The following SHANK2 variants were observed in gnomAD, a reference collection of about 807,000 sequenced individuals.
The protein encoded by SHANK2 is SH3 and multiple ankyrin repeat domains 2.
In SHANK2, 43 loss-of-function variants were observed where a neutral mutation model predicts 133.7. That is an observed-to-expected ratio of 0.32 (90% CI 0.25 to 0.41). SHANK2 has a LOEUF of 0.41. Ranked by LOEUF, SHANK2 falls within the 10% of genes least tolerant of loss-of-function variation. SHANK2 has a pLI of 1.00. For synonymous variants in SHANK2, 1,017 were observed against 952.8 expected (o/e 1.07, Z -1.24); for missense variants, 1,994 against 2,235.8 (o/e 0.89, Z 2.18).
chr11:71,218,768 A>T (rs1555120556), intron 2 of SHANK2, among the ~76,000 whole-genome samples: 2 of 152,198 alleles, frequency 1.3e-5, no homozygotes, highest in Non-Finnish European at 1.5e-5. Context: ...CACAAGTTGC[A>T]GTGGCAGCAT....
intron 2 of SHANK2, among the ~76,000 whole-genome samples, chr11:71,196,303 C>T (rs782235267): frequency 2.6e-5 from 4 of 151,964 alleles, no homozygotes; most frequent in Non-Finnish European, 4.4e-5. Flanking sequence ...TTCTTTTTCC[C>T]GAGACAGTGT....
intron 15 of SHANK2, among the ~76,000 whole-genome samples, chr11:70,674,187 T>C (rs7937913): frequency 0.58 from 88,276 of 152,000 alleles, 25,982 homozygotes; most frequent in Non-Finnish European, 0.63. Flanking sequence ...TTCCTGAAGC[T>C]CTCACCAGAA....
chr11:70,736,900 CGTGAA>C, intron 14 of SHANK2, among the ~76,000 whole-genome samples: 1 of 152,260 alleles, frequency 6.6e-6, no homozygotes, highest in Middle Eastern at 3.4e-3. Context: ...AGGGACTGAA[CGTGAA>C]ATGGGAACGG....
At position 70,661,687 on chromosome 11, in the gene SHANK2, A is replaced by C; in HGVS notation, c.1854-9T>G. ...CCTCAATAATGCAGTCACTGTAGAG[A>C]GAATTCCGGGGACAGCGACCATTAT... On this transcript the variant is annotated splice_polypyrimidine_tract_variant and intron_variant, in intron 15 of 25. Coordinates refer to ENST00000601538, the MANE Select transcript of SHANK2 (RefSeq NM_012309.5). 1 of 1,614,080 alleles carries C rather than the reference A, an allele frequency of 6.2e-7. No individual in the cohort carries two copies. Among genetic ancestry groups the C allele is most frequent in the Non-Finnish European group, 8.5e-7 (1 of 1,180,040 alleles).
At chr11:70,865,741 T>C (rs1015331398) in intron 11 of SHANK2, among the ~76,000 whole-genome samples, 1 of 152,232 alleles carries the variant, frequency 6.6e-6, no homozygotes, top group Admixed American at 6.5e-5. Flanking sequence ...TCTTCCAGCA[T>C]TGAATCAGAT....
At chr11:71,210,534 G>A (rs1954252806) in intron 2 of SHANK2, among the ~76,000 whole-genome samples, 1 of 151,876 alleles carries the variant, frequency 6.6e-6, no homozygotes, top group Non-Finnish European at 1.5e-5. Context: ...ACAGGTGTGA[G>A]CCACCATGCC....
chr11:70,858,637 C>A (rs1372388013), intron 11 of SHANK2, among the ~76,000 whole-genome samples: 3 of 152,260 alleles, frequency 2.0e-5, no homozygotes, highest in African/African-American at 7.2e-5. Flanking sequence ...TTCTTAACAA[C>A]AGCAATCATG....
rs117706585 is a variant in SHANK2 at position 71,113,280 on chromosome 11, G to A, written c.483+13C>T. ...CTGCCTAACGTGTAAATAACAGCCC[G>A]TTCCCTGCATACCTTCGTGTGGAGC... On this transcript the variant is annotated intron_variant, in intron 5 of 25. Coordinates refer to ENST00000601538, the MANE Select transcript of SHANK2 (RefSeq NM_012309.5). The A allele has an allele frequency of 0.013, 20,798 of 1,550,726 alleles. 207 individuals carry two copies. The highest frequency in any genetic ancestry group is 0.041 in the South Asian group (3,486 of 84,032).
In SHANK2 at chr11:70,673,870, A is replaced by C. The variant is rs528980024; in HGVS notation, c.1854-12192T>G. Among the ~76,000 whole-genome samples, 247 of 152,350 alleles carry C rather than the reference A, an allele frequency of 1.6e-3. 1 individual carries two copies. Among genetic ancestry groups the C allele is most frequent in the Middle Eastern group, 0.01 (3 of 294 alleles). ...TTCATTAAGAGACTGGTGTCACCAG[A>C]GGGGCAGTTGTAAAAACAGTTAAAA... On this transcript the variant is annotated intron_variant, in intron 15 of 25. Coordinates refer to ENST00000601538, the MANE Select transcript of SHANK2 (RefSeq NM_012309.5).
intron 14 of SHANK2, among the ~76,000 whole-genome samples, chr11:70,758,292 G>T (rs1449294343): frequency 6.6e-6 from 1 of 152,158 alleles, no homozygotes; most frequent in Non-Finnish European, 1.5e-5. Flanking sequence ...GCAACTGCAC[G>T]CTCTTCTGGT....
Position 71,232,418 on chromosome 11 carries a change from A to G in SHANK2, c.-112-7622T>C, listed in dbSNP as rs1954757666. The stretch of plus-strand genomic sequence containing the variant: ...TTCTTACAACTGCAATCATCTTAAA[A>G]ATATAGTTGGCCCTTAAGCAACACA... On this transcript the variant is annotated intron_variant, in intron 1 of 25. Transcript: ENST00000601538. Among the ~76,000 whole-genome samples, 3 of 152,304 alleles carry G rather than the reference A, an allele frequency of 2.0e-5. No individual in the cohort carries two copies. In the South Asian group the frequency reaches 6.2e-4, roughly 32 times the overall value.
chr11:70,873,667 C>A (rs1475265087), intron 11 of SHANK2, among the ~76,000 whole-genome samples: 1 of 152,230 alleles, frequency 6.6e-6, no homozygotes, highest in African/African-American at 2.4e-5. Flanking sequence ...ACCACTTAAT[C>A]CACCCTGCTC....
chr11:70,487,948 C>T lies in SHANK2; in HGVS notation c.2573-228G>A, dbSNP rs552940536. 4.6e-4 allele frequency among the ~76,000 whole-genome samples: 70 copies of T among 152,336 alleles called. No individual in the cohort carries two copies. Among genetic ancestry groups the T allele is most frequent in the African/African-American group, 1.4e-3 (59 of 41,578 alleles). ...AAAGGCACTGGGGATGCTGTGAGTACGCTGCTGCTGTGGGGCCTCCAGGCA... is the reference window on the plus strand; with the variant it reads ...AAAGGCACTGGGGATGCTGTGAGTATGCTGCTGCTGTGGGGCCTCCAGGCA... On this transcript the variant is annotated intron_variant, in intron 24 of 25. Transcript: ENST00000601538. The surrounding 1 kb of genome is among the most constrained non-coding windows in gnomAD (Gnocchi z 5.8).
At position 71,163,093 on chromosome 11, in the gene SHANK2, A is replaced by AAACATATATAT; in HGVS notation, c.-12-15756_-12-15755insATATATATGTT. 1.2e-3 allele frequency among the ~76,000 whole-genome samples: 103 copies of AAACATATATAT among 84,700 alleles called. 10 individuals carry two copies. Among genetic ancestry groups the AAACATATATAT allele is most frequent in the African/African-American group, 2.7e-3 (58 of 21,784 alleles). 55.6% of individuals were successfully genotyped at this position (84,700 alleles called of 152,430 possible). A position where few individuals can be genotyped will look rare whatever the true frequency, so the allele number is the denominator to read the frequency against. Reference sequence around the variant, plus strand: ...GTCTAAAAAAAAAAAAAAAAAAAAAAATACATATATATATATATACAGAAT... The same window carrying AAACATATATAT: ...GTCTAAAAAAAAAAAAAAAAAAAAAAAACATATATATATACATATATATATATATACAGAAT... On this transcript the variant is annotated intron_variant, in intron 2 of 25. Coordinates refer to ENST00000601538, the MANE Select transcript of SHANK2 (RefSeq NM_012309.5).
intron 17 of SHANK2, among the ~76,000 whole-genome samples, chr11:70,559,185 A>AT (rs2059874522): frequency 6.6e-6 from 1 of 151,802 alleles, no homozygotes; most frequent in Non-Finnish European, 1.5e-5. Context: ...CACCCGGCTA[A>AT]TTTTTTGTAT....
chr11:71,241,147 C>T (rs782580641), intron 1 of SHANK2, among the ~76,000 whole-genome samples: 2 of 152,314 alleles, frequency 1.3e-5, no homozygotes, highest in Middle Eastern at 3.4e-3. Flanking sequence ...GCAACTTCTC[C>T]TCTAAGGAGG....
intron 2 of SHANK2, among the ~76,000 whole-genome samples, chr11:71,172,148 A>G (rs539163125): frequency 1.3e-5 from 2 of 152,266 alleles, no homozygotes; most frequent in African/African-American, 4.8e-5. Flanking sequence ...AGGATTTCCA[A>G]CACAGTGATT....
intron 10 of SHANK2, among the ~76,000 whole-genome samples, chr11:70,942,043 C>T (rs1019205238): frequency 7.2e-5 from 11 of 151,730 alleles, no homozygotes; most frequent in African/African-American, 1.5e-4. Context: ...CAAAATTAGC[C>T]GGGTGTGGTG....
chr11:70,787,621 C>G (rs990326476), intron 14 of SHANK2, among the ~76,000 whole-genome samples: 1 of 152,062 alleles, frequency 6.6e-6, no homozygotes, highest in Non-Finnish European at 1.5e-5. Context: ...CCACCAGCAT[C>G]ACCACGATCA....
Sources: gnomAD v4.1 joint callset for allele counts (sites outside exome capture counted in the v4.1 genomes callset) on GRCh38, gnomAD v4.1.1 for gene constraint, Gnocchi (gnomAD v3.1) non-coding constraint, MANE v1.5 for transcripts, NCBI Gene and HGNC (gene_info 2026-07-23, HGNC 2026-07-21) for gene names.